Variants in ZMYM5 observed in about 807,000 individuals in gnomAD.
ZMYM5 encodes zinc finger MYM-type containing 5.
Under a neutral mutation model 61.8 loss-of-function variants are expected in ZMYM5, and 41 were observed. The observed-to-expected ratio is 0.66, with a 90% CI of 0.52 to 0.86. ZMYM5 has a LOEUF of 0.86. Ranked by LOEUF, ZMYM5 falls within the 40% of genes least tolerant of loss-of-function variation. ZMYM5 has a pLI of 0.00. For missense variants in ZMYM5, 706 were observed against 786.7 expected (o/e 0.90, Z 1.23); for synonymous variants, 257 against 276.4 (o/e 0.93, Z 0.70).
At chr13:19,854,204 T>C (rs928651844) in intron 2 of ZMYM5, among the ~76,000 whole-genome samples, 1 of 151,922 alleles carries the variant, frequency 6.6e-6, no homozygotes, top group African/African-American at 2.4e-5. Flanking sequence ...GATACGGGGT[T>C]TCACCAAGTT....
At position 19,823,604 on chromosome 13, in the gene ZMYM5, A is replaced by G. The variant is rs1008717899; in HGVS notation, c.*873T>C. 1.3e-5 allele frequency: 2 copies of G among 152,192 alleles called. No homozygotes were observed. Among genetic ancestry groups the G allele is most frequent in the African/African-American group, 2.4e-5 (1 of 41,448 alleles). The allele number at this position is 152,192 out of a possible 1,614,324, so 9.4% of individuals were successfully genotyped here. A position where few individuals can be genotyped will look rare whatever the true frequency, so the allele number is the denominator to read the frequency against. ...ACAAATTAAAATAAACATAAAACCAATAAAATGGAAATTAACCATCATTAA... is the reference window on the plus strand; with the variant it reads ...ACAAATTAAAATAAACATAAAACCAGTAAAATGGAAATTAACCATCATTAA... On this transcript the variant is annotated 3_prime_UTR_variant, in exon 8 of 8. Transcript: ENST00000337963.
At chr13:19,830,988 T>C (rs1439333070) in intron 7 of ZMYM5, among the ~76,000 whole-genome samples, 1 of 151,746 alleles carries the variant, frequency 6.6e-6, no homozygotes, top group African/African-American at 2.4e-5. Flanking sequence ...TACAGGTGCC[T>C]GCCACCACGC....
At position 19,860,361 on chromosome 13, in the gene ZMYM5, C is replaced by T. The variant is rs543711515; in HGVS notation, c.-11+2038G>A. Among the ~76,000 whole-genome samples the T allele has an allele frequency of 3.3e-3, 502 of 149,968 alleles. 2 individuals are homozygous for T. Among genetic ancestry groups the T allele is most frequent in the South Asian group, 0.026 (124 of 4,734 alleles). On this transcript the variant is annotated intron_variant, in intron 2 of 7. Transcript: ENST00000337963. ...AGACTGGAGTGCAATGGCACAATCT[C>T]GGCTCACCATAACCTCTGCCTCTCA...
intron 4 of ZMYM5, among the ~76,000 whole-genome samples, chr13:19,846,578 C>T (rs986196276): frequency 1.3e-5 from 2 of 151,978 alleles, no homozygotes; most frequent in Non-Finnish European, 2.9e-5. Context: ...TTTTTGGAAG[C>T]CTGTATCCAC....
At chr13:19,854,227 C>G (rs937392320) in intron 2 of ZMYM5, among the ~76,000 whole-genome samples, 12 of 152,138 alleles carry the variant, frequency 7.9e-5, no homozygotes, top group African/African-American at 2.9e-4. Flanking sequence ...CCAGCATGGT[C>G]TTGATCTCTT....
Position 19,862,398 on chromosome 13 carries a change from C to T in ZMYM5, c.-11+1G>A, listed in dbSNP as rs1953801644. 6.6e-6 allele frequency: 1 copy of T among 151,492 alleles called. No homozygotes were observed. Among genetic ancestry groups the T allele is most frequent in the Non-Finnish European group, 1.5e-5 (1 of 67,912 alleles). The allele number at this position is 151,492 out of a possible 1,614,324, so 9.4% of individuals were successfully genotyped here. ...GGGGTAAAAAAAAAAAAACAACTCA[C>T]AATGGAGATATTTCCTTCTTAATTT... On this transcript the variant is annotated splice_donor_variant, in intron 2 of 7. Coordinates refer to ENST00000337963, the MANE Select transcript of ZMYM5 (RefSeq NM_001142684.2). LOFTEE classifies it low-confidence loss of function (5UTR_SPLICE).
In ZMYM5 at chr13:19,852,043, AG is replaced by A. The variant is rs765883587; in HGVS notation, c.137del (p.Ser46LeufsTer31). 3 of 1,613,872 alleles carry A rather than the reference AG, an allele frequency of 1.9e-6. No individual in the cohort carries two copies. The African/African-American group carries it at 4.0e-5, about 22-fold the overall frequency. On this transcript the variant is annotated frameshift_variant, in exon 3 of 8. Transcript: ENST00000337963. LOFTEE classifies it high-confidence loss of function. The stretch of plus-strand genomic sequence containing the variant: ...CATCATCTTCCACTGGTGAGTTCCT[AG>A]ATCTACTGACTAAAGGACAAGCTGG... ...GHPACPLVSR[S>X]RNSPVEDDDD...
chr13:19,829,396 A>G (rs1045447095), intron 7 of ZMYM5, among the ~76,000 whole-genome samples: 14 of 152,050 alleles, frequency 9.2e-5, no homozygotes, highest in Non-Finnish European at 1.5e-4. Flanking sequence ...GGCTCAAGTG[A>G]TCCTCCGAGC....
intron 4 of ZMYM5, among the ~76,000 whole-genome samples, chr13:19,846,366 G>GA (rs1485756203): frequency 2.6e-5 from 4 of 151,828 alleles, no homozygotes; most frequent in Non-Finnish European, 4.4e-5. Context: ...ATTTTTACTT[G>GA]AAAAAAATGA....
rs770210760 is a variant in ZMYM5 at position 19,837,661 on chromosome 13, C to T, written c.1033G>A (p.Ala345Thr). ...TTAGGTATAAAAATCCAGACCTCTGCTAATTTACTACAAATTGTACATCTT... is the reference window on the plus strand; with the variant it reads ...TTAGGTATAAAAATCCAGACCTCTGTTAATTTACTACAAATTGTACATCTT... ...KSRCTICSKL[A>T]EIRHEVSVNN... The change falls in exon 6 of 8, where the codon GCA (alanine) becomes ACA (threonine). Residue 345 changes from alanine (A) to threonine (T), a missense_variant. Coordinates refer to ENST00000337963, the MANE Select transcript of ZMYM5 (RefSeq NM_001142684.2). The T allele has an allele frequency of 6.3e-6, 10 of 1,586,836 alleles. No individual in the cohort carries two copies. The highest frequency in any genetic ancestry group is 4.0e-5 in the Admixed American group (2 of 49,784).
At chr13:19,835,117 A>T (rs1952634530) in intron 7 of ZMYM5, among the ~76,000 whole-genome samples, 1 of 152,022 alleles carries the variant, frequency 6.6e-6, no homozygotes, top group African/African-American at 2.4e-5. Flanking sequence ...CAGCTTCCAA[A>T]GTAGCTGAGA....
rs899528344 is a variant in ZMYM5 at position 19,823,507 on chromosome 13, T to A, written c.*970A>T. 1 of 152,114 alleles carries A rather than the reference T, an allele frequency of 6.6e-6. No homozygotes were observed. The highest frequency in any genetic ancestry group is 1.5e-5 in the Non-Finnish European group (1 of 68,028). 9.4% of individuals were successfully genotyped at this position (152,114 alleles called of 1,614,324 possible). On this transcript the variant is annotated 3_prime_UTR_variant, in exon 8 of 8. Transcript: ENST00000337963. ...TTAACTTAATATATACTTATTTTAATATTTTTTATATTTTTATCAACATAA... is the reference window on the plus strand; with the variant it reads ...TTAACTTAATATATACTTATTTTAAAATTTTTTATATTTTTATCAACATAA...
chr13:19,846,564 C>T lies in ZMYM5; in HGVS notation c.586+4791G>A, dbSNP rs925093282. Reference sequence around the variant, plus strand: ...TGTGTCACTAGCCAAAAAAAAAAGGCGAATTTTTGGAAGCCTGTATCCACC... The same window carrying T: ...TGTGTCACTAGCCAAAAAAAAAAGGTGAATTTTTGGAAGCCTGTATCCACC... On this transcript the variant is annotated intron_variant, in intron 4 of 7. Coordinates refer to ENST00000337963, the MANE Select transcript of ZMYM5 (RefSeq NM_001142684.2). Among the ~76,000 whole-genome samples the T allele has an allele frequency of 5.9e-5, 9 of 151,886 alleles. No homozygotes were observed. In the South Asian group the frequency reaches 1.7e-3, roughly 28 times the overall value.
At chr13:19,856,509 G>A (rs1953516407) in intron 2 of ZMYM5, among the ~76,000 whole-genome samples, 1 of 151,808 alleles carries the variant, frequency 6.6e-6, no homozygotes, top group Non-Finnish European at 1.5e-5. Flanking sequence ...GCGTGGTGAT[G>A]CATGCCCGTA....
At position 19,824,379 on chromosome 13, in the gene ZMYM5, A is replaced by G. The variant is rs1890803882; in HGVS notation, c.*98T>C. 3 of 1,066,732 alleles carry G rather than the reference A, an allele frequency of 2.8e-6. No individual in the cohort carries two copies. The highest frequency in any genetic ancestry group is 3.5e-6 in the Non-Finnish European group (3 of 852,738). The allele number at this position is 1,066,732 out of a possible 1,614,324, so 66.1% of individuals were successfully genotyped here. On this transcript the variant is annotated 3_prime_UTR_variant, in exon 8 of 8. Coordinates refer to ENST00000337963, the MANE Select transcript of ZMYM5 (RefSeq NM_001142684.2). ...GGAACTGCTGCAAGTTACTCTGTAG[A>G]GGAGACTTACAACACAATAGTACTG...
chr13:19,833,660 G>A (rs1474110999), intron 7 of ZMYM5, among the ~76,000 whole-genome samples: 1 of 152,126 alleles, frequency 6.6e-6, no homozygotes, highest in Admixed American at 6.6e-5. Context: ...ATTCTAGAAG[G>A]AAATGTAGGA....
chr13:19,855,293 C>T (rs1240146112), intron 2 of ZMYM5, among the ~76,000 whole-genome samples: 3 of 151,592 alleles, frequency 2.0e-5, no homozygotes, highest in East Asian at 1.9e-4. Context: ...GATGGAGTCT[C>T]GCTCTGTCGC....
intron 7 of ZMYM5, among the ~76,000 whole-genome samples, chr13:19,827,302 T>G (rs1890960660): frequency 1.3e-5 from 2 of 152,132 alleles, no homozygotes; most frequent in South Asian, 4.1e-4. Flanking sequence ...CACACACAAA[T>G]ATGAAGAGAG....
At chr13:19,852,526 T>C (rs1347557254) in intron 2 of ZMYM5, among the ~76,000 whole-genome samples, 3 of 152,222 alleles carry the variant, frequency 2.0e-5, no homozygotes, top group South Asian at 4.1e-4. Context: ...TAATCACTTA[T>C]ATTCCATATG....
Sources: allele counts gnomAD v4.1 joint callset (sites outside exome capture counted in the v4.1 genomes callset), GRCh38; gene constraint gnomAD v4.1.1; transcripts MANE v1.5; gene names NCBI Gene and HGNC (gene_info 2026-07-23, HGNC 2026-07-21).